Variants in GLCCI1 observed in about 807,000 individuals in gnomAD.
GLCCI1 encodes glucocorticoid induced 1, also known as glucocorticoid-induced transcript 1 protein.
Under a neutral mutation model 52.2 loss-of-function variants are expected in GLCCI1, and 24 were observed. The observed-to-expected ratio is 0.46, with a 90% CI of 0.33 to 0.65. The LOEUF is 0.65. GLCCI1 is among the 30% of genes least tolerant of loss of function. The pLI is 0.02. For synonymous variants in GLCCI1, 310 were observed against 276.5 expected (o/e 1.12, Z -1.20); for missense variants, 704 against 701.5 (o/e 1.00, Z -0.04).
chr7:7,994,798 T>C (rs188087639), intron 1 of GLCCI1, among the ~76,000 whole-genome samples: 4 of 152,358 alleles, frequency 2.6e-5, no homozygotes, highest in Admixed American at 2.6e-4. Context: ...AGGAACAGTC[T>C]TGAATATTGA....
chr7:8,023,622 G>T (rs1583980110), intron 3 of GLCCI1, among the ~76,000 whole-genome samples: 1 of 38,474 alleles, frequency 2.6e-5, no homozygotes, highest in Non-Finnish European at 5.1e-5. Flanking sequence ...TTTTTGAGGT[G>T]GAATCTCACT....
At position 7,986,469 on chromosome 7, in the gene GLCCI1, G is replaced by A. The variant is rs1317881332; in HGVS notation, c.457+16662G>A. On this transcript the variant is annotated intron_variant, in intron 1 of 7. Coordinates refer to ENST00000223145, the MANE Select transcript of GLCCI1 (RefSeq NM_138426.4). ...GAACCTGCTAGGCGGCGCTTGCAGT[G>A]AGCCGAGATCACACCACTGCACTCC... is the stretch of plus-strand genomic sequence containing the variant. 4.0e-5 allele frequency among the ~76,000 whole-genome samples: 6 copies of A among 149,408 alleles called. No homozygotes were observed. The East Asian group carries it at 1.2e-3, about 30-fold the overall frequency.
At chr7:8,005,453 C>A (rs1404352050) in intron 2 of GLCCI1, among the ~76,000 whole-genome samples, 1 of 151,966 alleles carries the variant, frequency 6.6e-6, no homozygotes, top group African/African-American at 2.4e-5. Context: ...TGTTTTATAA[C>A]CTGTTTCATT....
chr7:8,033,587 T>C (rs1375699584), intron 3 of GLCCI1, among the ~76,000 whole-genome samples: 1 of 152,124 alleles, frequency 6.6e-6, no homozygotes, highest in Non-Finnish European at 1.5e-5. Flanking sequence ...AGATCAATTA[T>C]ATTTCTGGGT....
At position 8,003,784 on chromosome 7, in the gene GLCCI1, A is replaced by G. The variant is rs544638347; in HGVS notation, c.458-124A>G. On this transcript the variant is annotated intron_variant, in intron 1 of 7. Transcript: ENST00000223145. ...TTTCATCTGATCATACAACAGGGCT[A>G]TTAGTGTAAATATATATATCACAGG... The G allele has an allele frequency of 6.9e-4, 504 of 728,940 alleles. 1 individual carries two copies. Among genetic ancestry groups the G allele is most frequent in the Non-Finnish European group, 9.3e-4 (424 of 455,162 alleles). The allele number at this position is 728,940 out of a possible 1,614,324, so 45.2% of individuals were successfully genotyped here. A position where few individuals can be genotyped will look rare whatever the true frequency, so the allele number is the denominator to read the frequency against.
intron 3 of GLCCI1, among the ~76,000 whole-genome samples, chr7:8,029,808 G>C (rs992126160): frequency 2.6e-5 from 4 of 151,976 alleles, no homozygotes; most frequent in Non-Finnish European, 5.9e-5. Context: ...ATTTACAATA[G>C]ACACAAATAA....
chr7:8,034,659 T>A (rs981103995), intron 3 of GLCCI1, among the ~76,000 whole-genome samples: 4 of 152,082 alleles, frequency 2.6e-5, no homozygotes, highest in Non-Finnish European at 4.4e-5. Context: ...ATAACTTGAA[T>A]AGAATATCAA....
chr7:8,057,093 C>A (rs79057277), intron 4 of GLCCI1, among the ~76,000 whole-genome samples: 1 of 152,132 alleles, frequency 6.6e-6, no homozygotes, highest in Non-Finnish European at 1.5e-5. Flanking sequence ...CCACACATTG[C>A]TGGTGGGAAC....
At chr7:8,046,690 C>G (rs1013010514) in intron 3 of GLCCI1, among the ~76,000 whole-genome samples, 5 of 152,146 alleles carry the variant, frequency 3.3e-5, no homozygotes, top group African/African-American at 1.2e-4. Context: ...ATGTATATCT[C>G]AAATGTATTT....
chr7:8,022,286 T>C (rs975584613), intron 2 of GLCCI1, among the ~76,000 whole-genome samples, 197 bp from the exon 3 acceptor site: 6 of 152,136 alleles, frequency 3.9e-5, no homozygotes, highest in Non-Finnish European at 8.8e-5. Flanking sequence ...CTCAGAGACA[T>C]CTTTGAGCAT....
intron 1 of GLCCI1, chr7:7,981,565 C>G (rs973108948): frequency 5.2e-6 from 1 of 193,508 alleles, no homozygotes; most frequent in African/African-American, 2.4e-5. Context: ...TCAGGTGATT[C>G]ACTTGCCCTG....
chr7:8,009,717 C>G (rs77457983), intron 2 of GLCCI1, among the ~76,000 whole-genome samples: 4 of 152,168 alleles, frequency 2.6e-5, no homozygotes. Context: ...TTAACTTTTG[C>G]AGTTTTAAGT....
chr7:8,044,981 A>G (rs1782089349), intron 3 of GLCCI1, among the ~76,000 whole-genome samples: 1 of 152,198 alleles, frequency 6.6e-6, no homozygotes, highest in Non-Finnish European at 1.5e-5. Flanking sequence ...AAAGGAAATG[A>G]TGTATAATGA....
chr7:8,018,046 G>C (rs1781413255), intron 2 of GLCCI1, among the ~76,000 whole-genome samples: 1 of 152,028 alleles, frequency 6.6e-6, no homozygotes, highest in Non-Finnish European at 1.5e-5. Context: ...TTTAAGATTA[G>C]TCTGTGGTCA....
chr7:8,042,199 C>T (rs997911268), intron 3 of GLCCI1, among the ~76,000 whole-genome samples: 1 of 152,186 alleles, frequency 6.6e-6, no homozygotes, highest in African/African-American at 2.4e-5. Context: ...AACATCCATT[C>T]TGCAGTCCGT....
chr7:7,976,042 G>A (rs1780462574), intron 1 of GLCCI1, among the ~76,000 whole-genome samples: 1 of 152,204 alleles, frequency 6.6e-6, no homozygotes, highest in African/African-American at 2.4e-5. Flanking sequence ...CCAGCAACTG[G>A]CACTAGGTTG....
chr7:7,997,154 A>G (rs1780952827), intron 1 of GLCCI1, among the ~76,000 whole-genome samples: 1 of 152,216 alleles, frequency 6.6e-6, no homozygotes, highest in Non-Finnish European at 1.5e-5. Flanking sequence ...ATTGGGTAGA[A>G]AAACATACCA....
At chr7:8,074,454 C>T (rs921719962) in intron 6 of GLCCI1, among the ~76,000 whole-genome samples, 7 of 152,056 alleles carry the variant, frequency 4.6e-5, no homozygotes, top group African/African-American at 1.2e-4. Context: ...GAGGTCAAGG[C>T]GGGCAGCTCA....
At chr7:8,081,470 C>G (rs947551543) in intron 6 of GLCCI1, among the ~76,000 whole-genome samples, 2 of 152,138 alleles carry the variant, frequency 1.3e-5, no homozygotes, top group Non-Finnish European at 2.9e-5. Flanking sequence ...ATAAATGAAT[C>G]AACCTTTATA....
Sources: allele counts gnomAD v4.1 joint callset (sites outside exome capture counted in the v4.1 genomes callset), GRCh38; gene constraint gnomAD v4.1.1; transcripts MANE v1.5; gene names NCBI Gene and HGNC (gene_info 2026-07-23, HGNC 2026-07-21).